Variants in GPHN observed in about 807,000 individuals in gnomAD.
The protein encoded by GPHN is gephyrin.
In GPHN, 17 loss-of-function variants were observed where a neutral mutation model predicts 95.5. That is an observed-to-expected ratio of 0.18 (90% CI 0.12 to 0.27). The LOEUF (loss-of-function observed/expected upper bound fraction) is 0.27, where lower values mean the gene tolerates loss of function less well. Among genes scored for constraint, GPHN ranks in the 10% least tolerant of loss-of-function variants. The pLI, the probability that GPHN is intolerant of heterozygous loss-of-function variation, is 1.00. For synonymous variants in GPHN, 320 were observed against 322.5 expected, an observed-to-expected ratio of 0.99 and a Z score of 0.08; for missense variants, 660 against 978.1, an observed-to-expected ratio of 0.67 and a Z score of 4.34.
intron 1 of GPHN, among the ~76,000 whole-genome samples, chr14:66,540,352 G>A (rs1323592341): frequency 1.3e-5 from 2 of 152,212 alleles, no homozygotes; most frequent in African/African-American, 4.8e-5. Context: ...AGTGGAGCAG[G>A]GATGTTACTC....
At chr14:66,686,962 G>A (rs1406634720) in intron 2 of GPHN, among the ~76,000 whole-genome samples, 1 of 152,074 alleles carries the variant, frequency 6.6e-6, no homozygotes, top group Non-Finnish European at 1.5e-5. Context: ...TAGCATGAGG[G>A]GCAGTTGAAT....
the GPHN span, among the ~76,000 whole-genome samples, chr14:67,253,963 G>GTT: frequency 7.3e-6 from 1 of 137,180 alleles, no homozygotes; most frequent in Admixed American, 7.4e-5. Context: ...ATTTTGTTTT[G>GTT]TTTTTTTTTT....
intron 4 of GPHN, among the ~76,000 whole-genome samples, chr14:66,858,876 T>C (rs1443806937): frequency 6.6e-6 from 1 of 152,056 alleles, no homozygotes; most frequent in Non-Finnish European, 1.5e-5. Flanking sequence ...AGTACTCCCC[T>C]TGGGTCTGTT....
At chr14:67,539,775 T>C in the GPHN span, among the ~76,000 whole-genome samples, 2 of 152,238 alleles carry the variant, frequency 1.3e-5, no homozygotes, top group African/African-American at 4.8e-5. Flanking sequence ...CAATTATCTG[T>C]AAATTACTTA....
intron 2 of GPHN, among the ~76,000 whole-genome samples, chr14:66,745,177 G>A (rs191879407): frequency 6.6e-6 from 1 of 151,452 alleles, no homozygotes; most frequent in Non-Finnish European, 1.5e-5. Flanking sequence ...TTTTTATTTT[G>A]AAAACTTTCA....
chr14:67,459,163 T>C, the GPHN span, among the ~76,000 whole-genome samples: 2 of 151,910 alleles, frequency 1.3e-5, no homozygotes, highest in East Asian at 3.9e-4. Context: ...GCTGGGATTA[T>C]AGGCATGAGC....
the GPHN span, among the ~76,000 whole-genome samples, chr14:67,490,509 G>A: frequency 3.3e-5 from 5 of 152,224 alleles, no homozygotes; most frequent in Admixed American, 3.3e-4. Context: ...TTTCTACAAT[G>A]TGCTGGCACT....
At chr14:67,479,721 A>G in the GPHN span, among the ~76,000 whole-genome samples, 9 of 152,194 alleles carry the variant, frequency 5.9e-5, no homozygotes, top group Non-Finnish European at 1.5e-5. Context: ...CCGTCTCAAA[A>G]AAGGAAAAAA....
At chr14:67,130,077 C>A (rs1271202084) in intron 17 of GPHN, among the ~76,000 whole-genome samples, 6 of 151,822 alleles carry the variant, frequency 4.0e-5, no homozygotes, top group Admixed American at 3.3e-4. Flanking sequence ...TCTTTCTGTT[C>A]TTTTCACTCA....
the GPHN span, among the ~76,000 whole-genome samples, chr14:67,389,766 G>GT: frequency 5.5e-5 from 8 of 144,560 alleles, no homozygotes; most frequent in Admixed American, 2.0e-4. Flanking sequence ...AAACTAAAGT[G>GT]TTTTTTTTCT....
At chr14:67,299,763 G>A in the GPHN span, among the ~76,000 whole-genome samples, 1 of 152,288 alleles carries the variant, frequency 6.6e-6, no homozygotes, top group East Asian at 1.9e-4. Context: ...AGATCTCAGA[G>A]ATGTTTAGGA....
intron 2 of GPHN, among the ~76,000 whole-genome samples, chr14:66,717,043 C>G (rs952507520): frequency 1.6e-4 from 24 of 152,106 alleles, no homozygotes; most frequent in Middle Eastern, 3.2e-3. Flanking sequence ...GCCTAGGTCT[C>G]TAGCAAGACT....
At chr14:66,669,839 A>G (rs1461235776) in intron 1 of GPHN, among the ~76,000 whole-genome samples, 1 of 152,116 alleles carries the variant, frequency 6.6e-6, no homozygotes, top group Non-Finnish European at 1.5e-5. Flanking sequence ...TGCTCATAAA[A>G]TTTGTTTCAT....
At chr14:66,906,823 G>T (rs1218539391) in intron 5 of GPHN, among the ~76,000 whole-genome samples, 2 of 152,118 alleles carry the variant, frequency 1.3e-5, no homozygotes, top group African/African-American at 4.8e-5. Flanking sequence ...TGCTTCCACT[G>T]TGGTCAGAGA....
chr14:66,781,249 C>T (rs12878403), intron 3 of GPHN, among the ~76,000 whole-genome samples: 1 of 148,696 alleles, frequency 6.7e-6, no homozygotes, highest in African/African-American at 2.5e-5. Flanking sequence ...GATACGGAGT[C>T]TCTGTCGCCC....
At chr14:66,701,492 A>G (rs1406838649) in intron 2 of GPHN, among the ~76,000 whole-genome samples, 3 of 152,206 alleles carry the variant, frequency 2.0e-5, no homozygotes, top group Non-Finnish European at 2.9e-5. Context: ...AGAAATGACT[A>G]GGTGGCTGGT....
chr14:67,473,397 C>A, the GPHN span: 3 of 1,608,336 alleles, frequency 1.9e-6, no homozygotes, highest in South Asian at 1.1e-5. The surrounding 1 kb of genome is among the most constrained non-coding windows in gnomAD (Gnocchi z 6.5). Context: ...GAGAGATCCC[C>A]AGGCCCCCCA....
chr14:67,269,732 G>A, the GPHN span: 9 of 152,616 alleles, frequency 5.9e-5, no homozygotes, highest in African/African-American at 9.6e-5. Context: ...GTGAAAAACC[G>A]GAGAAGAGAA....
At chr14:67,359,885 G>A in the GPHN span, 4 of 663,362 alleles carry the variant, frequency 6.0e-6, no homozygotes, top group Non-Finnish European at 7.8e-6. Flanking sequence ...AGGCGACGAA[G>A]GGGGAGGACA....
Sources: allele counts gnomAD v4.1 joint callset (sites outside exome capture counted in the v4.1 genomes callset), GRCh38; gene constraint gnomAD v4.1.1; non-coding constraint Gnocchi (gnomAD v3.1); transcripts MANE v1.5; gene names NCBI Gene and HGNC (gene_info 2026-07-23, HGNC 2026-07-21).